Variants in MRPL45 observed in about 807,000 individuals in gnomAD.
MRPL45 encodes mitochondrial ribosomal protein L45.
In MRPL45, 20 loss-of-function variants were observed where a neutral mutation model predicts 38.1. That is an observed-to-expected ratio of 0.53 (90% CI 0.37 to 0.76). The LOEUF is 0.76. MRPL45 is among the 30% of genes least tolerant of loss of function. The pLI is 0.00. For synonymous variants in MRPL45, 105 were observed against 128.8 expected, an observed-to-expected ratio of 0.82 and a Z score of 1.25; for missense variants, 337 against 395.6, an observed-to-expected ratio of 0.85 and a Z score of 1.26.
intron 4 of MRPL45, among the ~76,000 whole-genome samples, chr17:38,316,575 G>A (rs972673763): frequency 4.0e-5 from 6 of 151,388 alleles, no homozygotes; most frequent in South Asian, 4.2e-4. Flanking sequence ...TTGGGAGGCC[G>A]AGGCGGGCAG....
At chr17:38,299,573 C>T in intron 3 of MRPL45, 105 bp downstream of exon 3, 1 of 758,904 alleles carries the variant, frequency 1.3e-6, no homozygotes, top group Non-Finnish European at 2.1e-6. Flanking sequence ...GTGTCATTCT[C>T]TTAATAACAT....
At chr17:38,320,894 TC>T (rs1183940232) in intron 6 of MRPL45, 127 bp downstream of exon 6, 1 of 884,836 alleles carries the variant, frequency 1.1e-6, no homozygotes, top group Non-Finnish European at 1.8e-6. Flanking sequence ...TGATCTGTCT[TC>T]CTTGCTGTGC....
At chr17:38,322,373 C>A in intron 7 of MRPL45, 74 bp downstream of exon 7, 1 of 1,303,600 alleles carries the variant, frequency 7.7e-7, no homozygotes, top group Admixed American at 2.2e-5. Context: ...TCGGGCTCCA[C>A]CTAGTGGCGA....
At position 38,322,782 on chromosome 17, in the gene MRPL45, A is replaced by G. The variant is rs1295443354; in HGVS notation, c.*187A>G. ...GGCCCTAGCAGGTGGCAGGTATAAC[A>G]TGGCCATGGACACTCTTCTTTTTTA... On this transcript the variant is annotated 3_prime_UTR_variant, in exon 8 of 8. Transcript: ENST00000613675. 1.7e-6 allele frequency: 1 copy of G among 580,376 alleles called. No individual in the cohort carries two copies. The highest frequency in any genetic ancestry group is 1.9e-5 in the African/African-American group (1 of 53,496). 36.0% of individuals were successfully genotyped at this position (580,376 alleles called of 1,614,324 possible).
chr17:38,297,993 A>C (rs2036954289), intron 1 of MRPL45, among the ~76,000 whole-genome samples: 1 of 152,204 alleles, frequency 6.6e-6, no homozygotes, highest in Admixed American at 6.5e-5. Context: ...GCTACTTGGG[A>C]GGCTGCGGTG....
chr17:38,303,883 C>T (rs2037025536), intron 3 of MRPL45, among the ~76,000 whole-genome samples: 1 of 152,124 alleles, frequency 6.6e-6, no homozygotes, highest in South Asian at 2.1e-4. Flanking sequence ...TGCGCCACCA[C>T]GCCCAGCTAA....
At chr17:38,317,880 G>GT (rs941541445) in intron 4 of MRPL45, among the ~76,000 whole-genome samples, 1 of 151,718 alleles carries the variant, frequency 6.6e-6, no homozygotes, top group Non-Finnish European at 1.5e-5. Context: ...GCTGTTTTGT[G>GT]TTTTTTTAAC....
At chr17:38,319,551 T>G (rs1253770092) in intron 5 of MRPL45, among the ~76,000 whole-genome samples, 1 of 152,142 alleles carries the variant, frequency 6.6e-6, no homozygotes, top group Non-Finnish European at 1.5e-5. Context: ...TGTAGCTGAA[T>G]GACAATGTCT....
chr17:38,319,543 T>C (rs1195732973), intron 5 of MRPL45, among the ~76,000 whole-genome samples: 6 of 152,120 alleles, frequency 3.9e-5, no homozygotes. Context: ...TCATTGCTTG[T>C]AGCTGAATGA....
chr17:38,312,913 C>T (rs1163972462), intron 4 of MRPL45, among the ~76,000 whole-genome samples: 2 of 150,736 alleles, frequency 1.3e-5, no homozygotes, highest in Non-Finnish European at 3.0e-5. Flanking sequence ...GTTTTACATT[C>T]CTATGACCAA....
chr17:38,304,892 G>A (rs1372298653), intron 3 of MRPL45, among the ~76,000 whole-genome samples: 1 of 148,348 alleles, frequency 6.7e-6, no homozygotes, highest in Non-Finnish European at 1.5e-5. Context: ...TGTCACCCAG[G>A]CTGGAGTGCA....
Position 38,322,510 on chromosome 17 carries a change from C to T in MRPL45, c.836C>T (p.Thr279Met), listed in dbSNP as rs771506994. The T allele has an allele frequency of 2.9e-5, 46 of 1,612,958 alleles. No homozygotes were observed. Among genetic ancestry groups the T allele is most frequent in the Middle Eastern group, 1.8e-4 (1 of 5,644 alleles). Residue 279 changes from threonine to methionine, a missense_variant and splice_region_variant, in exon 8 of 8, where the codon ACG becomes ATG. Transcript: ENST00000613675. ...WAPPKQPILK[T>M]VMIPGPQLKP... The stretch of plus-strand genomic sequence containing the variant: ...TAACCTGGCGTCCTACTCTTTCAGA[C>T]GGTGATGATCCCTGGCCCTCAGCTG...
rs1336600341 is a variant in MRPL45, at chr17:38,320,464, G to A, written c.511-154G>A. Among the ~76,000 whole-genome samples the A allele has an allele frequency of 4.6e-5, 7 of 152,074 alleles. No individual in the cohort carries two copies. The East Asian group carries it at 9.6e-4, about 21-fold the overall frequency. ...GACCAATAGCTTAATCAAAACTTGA[G>A]AAGGTGCAAGAGAAAATAGGCACAA... On this transcript the variant is annotated intron_variant, in intron 5 of 7. Transcript: ENST00000613675.
At chr17:38,312,379 T>G (rs1308147111) in intron 4 of MRPL45, among the ~76,000 whole-genome samples, 2 of 152,192 alleles carry the variant, frequency 1.3e-5, no homozygotes, top group Non-Finnish European at 2.9e-5. Flanking sequence ...GAATAATATT[T>G]CATTGTATGT....
At chr17:38,303,568 A>G (rs1326303735) in intron 3 of MRPL45, among the ~76,000 whole-genome samples, 3 of 152,068 alleles carry the variant, frequency 2.0e-5, no homozygotes, top group Non-Finnish European at 4.4e-5. Context: ...TGCTAGGATT[A>G]CAGGTGTGAG....
Position 38,322,956 on chromosome 17 carries a change from A to G in MRPL45, c.*361A>G. ...GGCAGGGATCAGAGTTTGAAATGAA[A>G]TGTTGTCAGGGTGTTGGAAAAATTT... is the stretch of plus-strand genomic sequence containing the variant. On this transcript the variant is annotated 3_prime_UTR_variant, in exon 8 of 8. Transcript: ENST00000613675. 1 of 200,206 alleles carries G rather than the reference A, an allele frequency of 5.0e-6. No homozygotes were observed. The highest frequency in any genetic ancestry group is 1.2e-4 in the East Asian group (1 of 8,154). The allele number at this position is 200,206 out of a possible 1,614,324, so 12.4% of individuals were successfully genotyped here.
In MRPL45 at chr17:38,321,160, G is replaced by C. The variant is rs191806389; in HGVS notation, c.660+393G>C. On this transcript the variant is annotated intron_variant, in intron 6 of 7. Coordinates refer to ENST00000613675, the MANE Select transcript of MRPL45 (RefSeq NM_032351.6). ...CTGGCTAATTTTAGTATTTTTTGTA[G>C]AGACCAGTCTTGTCATTTTGCCCAA... Among the ~76,000 whole-genome samples the C allele has an allele frequency of 2.9e-3, 443 of 152,014 alleles. 2 individuals carry two copies. Among genetic ancestry groups the C allele is most frequent in the Non-Finnish European group, 2.9e-3 (194 of 67,980 alleles).
intron 6 of MRPL45, 39 bp from the exon 7 acceptor site, chr17:38,322,086 CA>C: frequency 2.5e-6 from 4 of 1,595,336 alleles, no homozygotes; most frequent in Non-Finnish European, 3.4e-6. Flanking sequence ...ACTCACACAC[CA>C]AAAAAACTAA....
Position 38,322,154 on chromosome 17 carries a change from G to A in MRPL45, c.689G>A (p.Arg230Gln), listed in dbSNP as rs770873976. ...QTLAIYDRFG[R>Q]LMYGQEDVPK... The stretch of plus-strand genomic sequence containing the variant: ...CTGGCCATCTATGACCGGTTTGGCC[G>A]GTTGATGTATGGACAGGAAGATGTA... The change falls in exon 7 of 8, where the codon CGG becomes CAG. Residue 230 changes from arginine (R) to glutamine (Q), a missense_variant. Transcript: ENST00000613675. 6 of 1,614,088 alleles carry A rather than the reference G, an allele frequency of 3.7e-6. No homozygotes were observed. Among genetic ancestry groups the A allele is most frequent in the South Asian group, 3.3e-5 (3 of 91,084 alleles).
Sources: allele counts gnomAD v4.1 joint callset (sites outside exome capture counted in the v4.1 genomes callset), GRCh38; gene constraint gnomAD v4.1.1; transcripts MANE v1.5; gene names NCBI Gene and HGNC (gene_info 2026-07-23, HGNC 2026-07-21).